Variants in KIAA0753 observed in about 807,000 individuals in gnomAD.
KIAA0753 encodes the protein KIAA0753.
Under a neutral mutation model 116.9 loss-of-function variants are expected in KIAA0753, and 114 were observed. That is an observed-to-expected ratio of 0.98 (90% CI 0.84 to 1.14). The LOEUF is 1.14. Ranked by LOEUF, KIAA0753 falls within the 50% of genes most tolerant of loss-of-function variation. KIAA0753 has a pLI of 0.00. For missense variants in KIAA0753, 1,156 were observed against 1,172.4 expected (o/e 0.99, Z 0.20); for synonymous variants, 405 against 413.1 (o/e 0.98, Z 0.24).
intron 1 of KIAA0753, chr17:6,640,244 G>C (rs965854884): frequency 1.0e-4 from 16 of 152,664 alleles, no homozygotes; most frequent in Non-Finnish European, 7.3e-5. Flanking sequence ...CCCACGCAGC[G>C]ACCCGGCATC....
At chr17:6,618,729 T>C (rs929768721) in intron 7 of KIAA0753, among the ~76,000 whole-genome samples, 1 of 152,022 alleles carries the variant, frequency 6.6e-6, no homozygotes, top group Non-Finnish European at 1.5e-5. Context: ...GATTGAGAAA[T>C]AAATCAACTG....
rs780101256 is a variant in KIAA0753, at chr17:6,620,757, T to C, written c.1315+31A>G. ...GCCCAGATAATTGTAATGAATAAAA[T>C]GTCTTACAATAAACACTTTAAGACA... is the stretch of plus-strand genomic sequence containing the variant. On this transcript the variant is annotated intron_variant, in intron 7 of 18. Coordinates refer to ENST00000361413, the MANE Select transcript of KIAA0753 (RefSeq NM_014804.3). The C allele has an allele frequency of 9.4e-6, 15 of 1,600,744 alleles. No individual in the cohort carries two copies. In the South Asian group the frequency reaches 1.5e-4, roughly 16 times the overall value.
At chr17:6,633,413 C>A (rs1972123105) in intron 2 of KIAA0753, among the ~76,000 whole-genome samples, 1 of 152,212 alleles carries the variant, frequency 6.6e-6, no homozygotes. Context: ...TGTGGAGCAA[C>A]TGGAGCTCTC....
At chr17:6,624,714 C>G in intron 4 of KIAA0753, 41 bp downstream of exon 4, 1 of 1,310,554 alleles carries the variant, frequency 7.6e-7, no homozygotes, top group Non-Finnish European at 1.1e-6. Context: ...GGAAGCAGTA[C>G]ACAAGGCTGA....
At chr17:6,586,628 G>C (rs1465568112) in intron 18 of KIAA0753, among the ~76,000 whole-genome samples, 1 of 152,234 alleles carries the variant, frequency 6.6e-6, no homozygotes, top group Non-Finnish European at 1.5e-5. Context: ...ACATTCATCT[G>C]TCCTTTTCAA....
intron 7 of KIAA0753, among the ~76,000 whole-genome samples, chr17:6,615,706 T>C (rs72835754): frequency 6.6e-6 from 1 of 151,286 alleles, no homozygotes; most frequent in Non-Finnish European, 1.5e-5. Flanking sequence ...CAACTCTGAC[T>C]GTAAGTCCTG....
chr17:6,600,571 C>G lies in KIAA0753; in HGVS notation c.2010-113G>C. 3 of 710,268 alleles carry G rather than the reference C, an allele frequency of 4.2e-6. No homozygotes were observed. In the South Asian group the frequency reaches 5.2e-5, roughly 12 times the overall value. The allele number at this position is 710,268 out of a possible 1,614,324, so 44.0% of individuals were successfully genotyped here. On this transcript the variant is annotated intron_variant, in intron 12 of 18. Transcript: ENST00000361413. ...ATAAAATGACCACGAGCTTCTCTAACCGTTCATGGCCATATCAATCTCCTG... is the reference window on the plus strand; with the variant it reads ...ATAAAATGACCACGAGCTTCTCTAAGCGTTCATGGCCATATCAATCTCCTG...
At chr17:6,634,246 G>A (rs1972176419) in intron 2 of KIAA0753, among the ~76,000 whole-genome samples, 1 of 151,962 alleles carries the variant, frequency 6.6e-6, no homozygotes, top group Non-Finnish European at 1.5e-5. Context: ...GGGATTATAG[G>A]TGTGCACCAC....
rs774003077 is a variant in KIAA0753, at chr17:6,595,058, A to T, written c.2359-5T>A. The T allele has an allele frequency of 5.3e-6, 8 of 1,506,762 alleles. No individual in the cohort carries two copies. Among genetic ancestry groups the T allele is most frequent in the African/African-American group, 1.4e-5 (1 of 71,332 alleles). 93.3% of individuals were successfully genotyped at this position (1,506,762 alleles called of 1,614,324 possible). On this transcript the variant is annotated splice_polypyrimidine_tract_variant and splice_region_variant and intron_variant, in intron 15 of 18. Coordinates refer to ENST00000361413, the MANE Select transcript of KIAA0753 (RefSeq NM_014804.3). ...ACGAACAGACTCCTGGTATTTCTTT[A>T]AAAAAAAAGAAAAAAGTTTAATTTA...
At chr17:6,612,702 T>C (rs1970635085) in intron 7 of KIAA0753, among the ~76,000 whole-genome samples, 1 of 152,130 alleles carries the variant, frequency 6.6e-6, no homozygotes, top group South Asian at 2.1e-4. Context: ...ACCCCATCTC[T>C]ACTAAAACTA....
At chr17:6,588,575 G>A (rs937595049) in intron 18 of KIAA0753, among the ~76,000 whole-genome samples, 1 of 152,058 alleles carries the variant, frequency 6.6e-6, no homozygotes, top group African/African-American at 2.4e-5. Flanking sequence ...TTGAGAGGCT[G>A]GCTACTGCGT....
chr17:6,605,932 G>C (rs1026269668), intron 12 of KIAA0753, among the ~76,000 whole-genome samples: 1 of 152,176 alleles, frequency 6.6e-6, no homozygotes, highest in African/African-American at 2.4e-5. Flanking sequence ...TGAAGCTTTT[G>C]CTATATGGCC....
At chr17:6,611,457 C>T (rs1326243071) in intron 8 of KIAA0753, among the ~76,000 whole-genome samples, 27 of 152,104 alleles carry the variant, frequency 1.8e-4, no homozygotes, top group Admixed American at 1.8e-3. Flanking sequence ...TGAGTTACCA[C>T]ATCTGGCTAA....
chr17:6,597,548 A>G (rs1385970409), intron 14 of KIAA0753, among the ~76,000 whole-genome samples: 1 of 152,198 alleles, frequency 6.6e-6, no homozygotes, highest in Non-Finnish European at 1.5e-5. Flanking sequence ...AACTTTTCAT[A>G]TACTTCTTCT....
At chr17:6,623,222 T>C in intron 5 of KIAA0753, 125 bp from the exon 6 acceptor site, 1 of 992,470 alleles carries the variant, frequency 1.0e-6, no homozygotes, top group East Asian at 2.6e-5. Flanking sequence ...GTGAAAACTT[T>C]TTCATAGTAA....
intron 12 of KIAA0753, chr17:6,601,028 A>G (rs1597498666): frequency 6.5e-6 from 1 of 153,952 alleles, no homozygotes; most frequent in South Asian, 2.0e-4. Flanking sequence ...GATCGGGCAC[A>G]TTCAGGGTGG....
chr17:6,581,413 AATG>A (rs71383411), intron 18 of KIAA0753, among the ~76,000 whole-genome samples: 58 of 152,266 alleles, frequency 3.8e-4, no homozygotes, highest in Middle Eastern at 6.8e-3. Context: ...GATATCCATT[AATG>A]ATGTCAGTTA....
Position 6,628,663 on chromosome 17 carries a change from T to C in KIAA0753, c.172A>G (p.Arg58Gly), listed in dbSNP as rs761708935. 1.4e-5 allele frequency: 23 copies of C among 1,614,042 alleles called. No individual in the cohort carries two copies. Among genetic ancestry groups the C allele is most frequent in the Admixed American group, 3.3e-5 (2 of 60,002 alleles). The change falls in exon 3 of 19, where the codon AGA (arginine) becomes GGA (glycine). Residue 58 changes from arginine to glycine, a missense_variant. By Grantham distance (125) the Arg-to-Gly change is moderately radical (BLOSUM62 -2). Coordinates refer to ENST00000361413, the MANE Select transcript of KIAA0753 (RefSeq NM_014804.3). ...AIRYSCPHAI[R>G]IEKLKHSYNE... ...TATGAGTGCTTCAGTTTTTCAATTC[T>C]AATGGCATGTGGGCAAGAATATCGG...
At chr17:6,587,253 T>TA (rs927164010) in intron 18 of KIAA0753, among the ~76,000 whole-genome samples, 35 of 151,786 alleles carry the variant, frequency 2.3e-4, no homozygotes, top group Non-Finnish European at 4.9e-4. Context: ...AATAAAATAA[T>TA]AAAAAAAGAA....
Sources: allele counts gnomAD v4.1 joint callset (sites outside exome capture counted in the v4.1 genomes callset), GRCh38; gene constraint gnomAD v4.1.1; transcripts MANE v1.5; gene names NCBI Gene and HGNC (gene_info 2026-07-23, HGNC 2026-07-21).